The following STS variants were observed in gnomAD, a reference collection of about 807,000 sequenced individuals.
STS encodes the protein steroid sulfatase.
STS carries 7 observed loss-of-function variants against 26.8 expected under a neutral mutation model. The ratio of observed to expected loss-of-function variants is 0.26; its 90% CI spans 0.15 to 0.49. The LOEUF is 0.49. Ranked by LOEUF, STS falls within the 20% of genes least tolerant of loss-of-function variation. The pLI is 0.98. For synonymous variants in STS, 199 were observed against 189.4 expected (o/e 1.05, Z -0.42); for missense variants, 434 against 465.6 (o/e 0.93, Z 0.63).
chrX:7,281,090 C>T (rs1924834341), intron 7 of STS, among the ~76,000 whole-genome samples: 1 of 108,527 alleles, frequency 9.2e-6, no homozygotes, highest in Non-Finnish European at 1.9e-5. Flanking sequence ...CACTTGAACC[C>T]GGGAGGCGGA....
chrX:7,346,458 TAAA>T (rs33973441), intron 10 of STS, among the ~76,000 whole-genome samples: 3,061 of 80,735 alleles, frequency 0.038, 68 homozygotes, highest in African/African-American at 0.087. Flanking sequence ...CTTAAACAAG[TAAA>T]AAAAAAAAAA....
Position 7,275,289 on chromosome X carries a change from A to T in STS, c.807-662A>T, listed in dbSNP as rs190168035. Among the ~76,000 whole-genome samples, 819 of 111,810 alleles carry T rather than the reference A, an allele frequency of 7.3e-3. 6 individuals are homozygous for T. Among genetic ancestry groups the T allele is most frequent in the Non-Finnish European group, 0.011 (562 of 53,188 alleles). Reference sequence around the variant, plus strand: ...TATTTCAAAATTGCTGAGAGAGTAGATTTTAAATGTTCTCACCTCAAAGAA... The same window carrying T: ...TATTTCAAAATTGCTGAGAGAGTAGTTTTTAAATGTTCTCACCTCAAAGAA... On this transcript the variant is annotated intron_variant, in intron 6 of 10. Coordinates refer to ENST00000674429, the MANE Select transcript of STS (RefSeq NM_001320752.2).
At chrX:7,204,867 C>CT (rs1353702294) in intron 2 of STS, among the ~76,000 whole-genome samples, 4 of 107,634 alleles carry the variant, frequency 3.7e-5, no homozygotes, top group Admixed American at 1.0e-4. Context: ...GCTTGCCTCC[C>CT]TTTTTTTCCT....
intron 6 of STS, among the ~76,000 whole-genome samples, chrX:7,261,993 C>G (rs920534639): frequency 8.9e-6 from 1 of 112,157 alleles, no homozygotes; most frequent in Admixed American, 9.4e-5. Context: ...AATATATAAA[C>G]TGGTCATTGG....
In STS at chrX:7,262,332, G is replaced by A. The variant is rs755240478; in HGVS notation, c.806+2560G>A. Among the ~76,000 whole-genome samples the A allele has an allele frequency of 2.7e-5, 3 of 111,310 alleles. No homozygotes were observed. The South Asian group carries it at 1.2e-3, about 43-fold the overall frequency. ...CTCAATAGATGGCCTTCCCAGTAGC[G>A]TCCACAGGAGAAAAGAGTTGAAGGG... is the stretch of plus-strand genomic sequence containing the variant. On this transcript the variant is annotated intron_variant, in intron 6 of 10. Transcript: ENST00000674429.
chrX:7,188,547 T>A (rs1464340308), intron 1 of STS, among the ~76,000 whole-genome samples: 1 of 111,924 alleles, frequency 8.9e-6, no homozygotes, highest in African/African-American at 3.2e-5. Flanking sequence ...AACGTGGGCC[T>A]TTAGATTTTC....
At chrX:7,208,649 C>G (rs1920968296) in intron 2 of STS, among the ~76,000 whole-genome samples, 1 of 111,776 alleles carries the variant, frequency 8.9e-6, no homozygotes. Flanking sequence ...TTCTTTCTTT[C>G]CTACCTTCCT....
At chrX:7,301,365 C>G in intron 7 of STS, among the ~76,000 whole-genome samples, 1 of 110,814 alleles carries the variant, frequency 9.0e-6, no homozygotes, top group East Asian at 2.9e-4. Flanking sequence ...GCACTTCAGC[C>G]TGGGAGACAG....
chrX:7,266,589 C>T (rs1237126046), intron 6 of STS, among the ~76,000 whole-genome samples: 1 of 112,051 alleles, frequency 8.9e-6, no homozygotes, highest in Non-Finnish European at 1.9e-5. Context: ...ATAATTAGCT[C>T]ACCATATGTT....
At chrX:7,279,335 GTGTA>G (rs1432773297) in intron 7 of STS, among the ~76,000 whole-genome samples, 26 of 83,470 alleles carry the variant, frequency 3.1e-4, no homozygotes, top group African/African-American at 1.2e-3. Context: ...GTGTGTGTGT[GTGTA>G]TGTGTGTGTG....
intron 7 of STS, among the ~76,000 whole-genome samples, chrX:7,285,000 A>G (rs1423816016): frequency 9.0e-6 from 1 of 110,573 alleles, no homozygotes; most frequent in Non-Finnish European, 1.9e-5. Flanking sequence ...GTTGATGATG[A>G]TATGATGGGT....
At chrX:7,286,272 A>T (rs772125220) in intron 7 of STS, among the ~76,000 whole-genome samples, 428 of 111,171 alleles carry the variant, frequency 3.8e-3, no homozygotes, top group Non-Finnish European at 6.6e-3. Context: ...TAATTCCCCA[A>T]AGTGGAAACT....
At chrX:7,148,108 C>A (rs1275702318) in intron 1 of STS, 25 bp downstream of exon 1, 3 of 1,129,544 alleles carry the variant, frequency 2.7e-6, no homozygotes, top group Admixed American at 2.8e-5. Flanking sequence ...GCGGGGGCGC[C>A]GCCATGGTGG....
At chrX:7,257,882 A>C (rs1222886330) in intron 5 of STS, among the ~76,000 whole-genome samples, 1 of 111,010 alleles carries the variant, frequency 9.0e-6, no homozygotes, top group African/African-American at 3.3e-5. Flanking sequence ...GTTATACCTA[A>C]TGATAGATGG....
chrX:7,297,257 C>CTT (rs759598036), intron 7 of STS, among the ~76,000 whole-genome samples: 2 of 92,247 alleles, frequency 2.2e-5, no homozygotes, highest in African/African-American at 7.9e-5. Flanking sequence ...TATGTAAGAG[C>CTT]TTTTTTTTTT....
chrX:7,214,971 TGTATATATACATATATATAC>T (rs1384153541), intron 2 of STS, among the ~76,000 whole-genome samples: 1 of 68,989 alleles, frequency 1.4e-5, no homozygotes, highest in Non-Finnish European at 2.8e-5. Flanking sequence ...ATATTATATA[TGTATATATACATATATATAC>T]GTATATATAC....
rs868681675 is a variant in STS at position 7,248,249 on chromosome X, C to G, written c.-4-4947C>G. ...TGTACCAATTCTCTTCCAAGCTCAA[C>G]AGATTAACACAACAGTGTATATTTT... On this transcript the variant is annotated intron_variant, in intron 2 of 10. Coordinates refer to ENST00000674429, the MANE Select transcript of STS (RefSeq NM_001320752.2). 9.8e-5 allele frequency among the ~76,000 whole-genome samples: 11 copies of G among 112,201 alleles called. No homozygotes were observed. In the South Asian group the frequency reaches 4.1e-3, roughly 41 times the overall value.
At chrX:7,202,388 CCTCT>C (rs1307071486) in intron 2 of STS, among the ~76,000 whole-genome samples, 2 of 110,866 alleles carry the variant, frequency 1.8e-5, no homozygotes, top group African/African-American at 6.6e-5. Context: ...CTATTGACTA[CCTCT>C]CTATCAGTAT....
At chrX:7,280,993 G>A (rs1281139611) in intron 7 of STS, among the ~76,000 whole-genome samples, 5 of 111,608 alleles carry the variant, frequency 4.5e-5, no homozygotes, top group African/African-American at 9.8e-5. Context: ...TGGCAAAACC[G>A]CGTCTCTAAT....
Sources: gnomAD v4.1 joint callset for allele counts (sites outside exome capture counted in the v4.1 genomes callset) on GRCh38, gnomAD v4.1.1 for gene constraint, MANE v1.5 for transcripts, NCBI Gene and HGNC (gene_info 2026-07-23, HGNC 2026-07-21) for gene names.